The following DRG1 variants were observed in gnomAD, a reference collection of about 807,000 sequenced individuals.
DRG1 encodes developmentally-regulated GTP-binding protein 1.
A neutral mutation model predicts 38.8 loss-of-function variants in DRG1; 19 were observed. The ratio of observed to expected loss-of-function variants is 0.49; its 90% CI spans 0.34 to 0.72. The LOEUF (loss-of-function observed/expected upper bound fraction) is 0.72, where lower values mean the gene tolerates loss of function less well. Ranked by LOEUF, DRG1 falls within the 30% of genes least tolerant of loss-of-function variation. DRG1 has a pLI of 0.01. For synonymous variants in DRG1, 167 were observed against 157.5 expected (o/e 1.06, Z -0.45); for missense variants, 299 against 444.8 (o/e 0.67, Z 2.95).
chr22:31,427,925 C>T (rs747792812), intron 8 of DRG1, among the ~76,000 whole-genome samples: 3 of 151,894 alleles, frequency 2.0e-5, no homozygotes, highest in Admixed American at 6.6e-5. Flanking sequence ...TTAGTAGAAA[C>T]GGGGTTCCTC....
At chr22:31,430,302 A>C (rs2050131805) in intron 8 of DRG1, among the ~76,000 whole-genome samples, 2 of 152,148 alleles carry the variant, frequency 1.3e-5, no homozygotes, top group Admixed American at 1.3e-4. Flanking sequence ...TATCTGTCTT[A>C]TCCTTCCTCA....
chr22:31,418,718 G>A (rs536299139), intron 4 of DRG1, among the ~76,000 whole-genome samples: 3 of 151,856 alleles, frequency 2.0e-5, no homozygotes, highest in African/African-American at 7.3e-5. Context: ...TTCTCGCTCT[G>A]TTGCCCAGGC....
chr22:31,420,969 T>C (rs572834937), intron 5 of DRG1, among the ~76,000 whole-genome samples: 2 of 152,278 alleles, frequency 1.3e-5, no homozygotes, highest in South Asian at 4.1e-4. Context: ...CAGGGAAGTC[T>C]TTACTGAGGT....
Position 31,399,664 on chromosome 22 carries a change from G to A in DRG1, c.-20G>A, listed in dbSNP as rs2049949430. The A allele has an allele frequency of 1.2e-6, 2 of 1,614,044 alleles. No homozygotes were observed. The highest frequency in any genetic ancestry group is 1.7e-6 in the Non-Finnish European group (2 of 1,179,904). On this transcript the variant is annotated 5_prime_UTR_variant, in exon 1 of 9. Coordinates refer to ENST00000331457, the MANE Select transcript of DRG1 (RefSeq NM_004147.4). ...GTGTGTGAAGGGAGACAGTGTGGAG[G>A]CCACAGGGTACTCGCCACGATGAGC...
intron 6 of DRG1, among the ~76,000 whole-genome samples, chr22:31,425,907 A>G (rs964972147): frequency 6.6e-6 from 1 of 152,186 alleles, no homozygotes; most frequent in Non-Finnish European, 1.5e-5. Flanking sequence ...TCAGTTAGGC[A>G]TTTTACAAGT....
chr22:31,418,609 G>A (rs1249984949), intron 4 of DRG1, among the ~76,000 whole-genome samples: 1 of 152,112 alleles, frequency 6.6e-6, no homozygotes, highest in African/African-American at 2.4e-5. Flanking sequence ...CCTGGTTCAA[G>A]TGATTCTCGT....
intron 8 of DRG1, among the ~76,000 whole-genome samples, chr22:31,433,600 T>A (rs1014850872): frequency 6.6e-6 from 1 of 151,288 alleles, no homozygotes; most frequent in Non-Finnish European, 1.5e-5. Flanking sequence ...AAATCCATGC[T>A]TTCTTTTAAT....
intron 8 of DRG1, among the ~76,000 whole-genome samples, chr22:31,429,579 G>A (rs1448941848): frequency 6.6e-6 from 1 of 150,940 alleles, no homozygotes; most frequent in African/African-American, 2.4e-5. Context: ...TTATTATTTT[G>A]TTGCTCAAAT....
chr22:31,419,695 C>T (rs1400390149), intron 4 of DRG1, among the ~76,000 whole-genome samples: 1 of 151,846 alleles, frequency 6.6e-6, no homozygotes, highest in Non-Finnish European at 1.5e-5. Flanking sequence ...GAACTGTGTG[C>T]TTTAACATGG....
chr22:31,403,560 G>C (rs561354328), intron 3 of DRG1, among the ~76,000 whole-genome samples: 2 of 152,104 alleles, frequency 1.3e-5, no homozygotes, highest in Admixed American at 6.6e-5. Context: ...CCAGCAACTC[G>C]GGAGGCTGAG....
intron 3 of DRG1, among the ~76,000 whole-genome samples, chr22:31,409,274 G>A (rs1297150843): frequency 1.3e-5 from 2 of 151,864 alleles, no homozygotes; most frequent in East Asian, 1.9e-4. Flanking sequence ...TTGTACAGAC[G>A]GGGTTTCACC....
At chr22:31,416,212 G>T (rs1306942106) in intron 4 of DRG1, among the ~76,000 whole-genome samples, 2 of 152,088 alleles carry the variant, frequency 1.3e-5, no homozygotes, top group African/African-American at 4.8e-5. Context: ...GGGAGGCGGA[G>T]GTTGTAGTCA....
chr22:31,418,263 C>T (rs181406958), intron 4 of DRG1, among the ~76,000 whole-genome samples: 19 of 151,838 alleles, frequency 1.3e-4, no homozygotes, highest in Admixed American at 7.9e-4. Flanking sequence ...GGCAACATTG[C>T]AAGACCCTGT....
intron 3 of DRG1, among the ~76,000 whole-genome samples, chr22:31,405,904 T>G (rs563432834): frequency 5.9e-5 from 9 of 152,066 alleles, no homozygotes; most frequent in Non-Finnish European, 1.3e-4. Context: ...ATCAGGCTAG[T>G]CTCGAACTCC....
chr22:31,433,948 G>A lies in DRG1; in HGVS notation c.1081G>A (p.Val361Ile). Residue 361 changes from valine (V) to isoleucine (I), a missense_variant, in exon 9 of 9, where the codon GTC (valine) becomes ATC (isoleucine). By Grantham distance (29) the Val-to-Ile change is conservative. Coordinates refer to ENST00000331457, the MANE Select transcript of DRG1 (RefSeq NM_004147.4). ...GKDHTLEDED[V>I]IQIVKK ...AGACCATACGTTGGAGGATGAGGAT[G>A]TCATTCAAATTGTGAAGAAGTGAAA... 6.2e-7 allele frequency: 1 copy of A among 1,614,070 alleles called. No individual in the cohort carries two copies. The highest frequency in any genetic ancestry group is 8.5e-7 in the Non-Finnish European group (1 of 1,179,918).
At chr22:31,424,017 G>A (rs1336645145) in intron 6 of DRG1, among the ~76,000 whole-genome samples, 2 of 150,990 alleles carry the variant, frequency 1.3e-5, no homozygotes, top group East Asian at 2.0e-4. Flanking sequence ...GGCCTGTGCC[G>A]CCACGCCTGG....
intron 6 of DRG1, 166 bp from the exon 7 acceptor site, chr22:31,426,449 C>A: frequency 3.4e-6 from 2 of 586,300 alleles, no homozygotes; most frequent in East Asian, 2.9e-5. Context: ...ACTTTTCAAC[C>A]CATAGTTCAC....
chr22:31,425,518 G>A (rs964992426), intron 6 of DRG1, among the ~76,000 whole-genome samples: 4 of 149,864 alleles, frequency 2.7e-5, no homozygotes, highest in Admixed American at 6.7e-5. Context: ...ACGGCTTACC[G>A]CAGCCTTGAA....
intron 4 of DRG1, among the ~76,000 whole-genome samples, chr22:31,416,777 C>T (rs551814542): frequency 6.6e-6 from 1 of 151,828 alleles, no homozygotes; most frequent in Admixed American, 6.6e-5. Context: ...GTGGCGTGTG[C>T]CTATAGTCCC....
Sources: allele counts gnomAD v4.1 joint callset (sites outside exome capture counted in the v4.1 genomes callset), GRCh38; gene constraint gnomAD v4.1.1; transcripts MANE v1.5; gene names NCBI Gene and HGNC (gene_info 2026-07-23, HGNC 2026-07-21).